Variants in FAT4 observed in about 807,000 individuals in gnomAD.
FAT4 encodes protocadherin Fat 4.
A neutral mutation model predicts 303.9 loss-of-function variants in FAT4; 84 were observed. That is an observed-to-expected ratio of 0.28 (90% CI 0.23 to 0.33). FAT4 has a LOEUF of 0.33. FAT4 is among the 10% of genes least tolerant of loss of function. The probability of loss-of-function intolerance (pLI) is 1.00; values close to 1 mark genes in which losing one functional copy is unlikely to be tolerated. For missense variants in FAT4, 6,005 were observed against 6,146.8 expected, an observed-to-expected ratio of 0.98 and a Z score of 0.77; for synonymous variants, 2,307 against 2,298.8, an observed-to-expected ratio of 1.00 and a Z score of -0.10.
At chr4:125,322,365 G>A (rs982285437) in intron 2 of FAT4, among the ~76,000 whole-genome samples, 2 of 152,194 alleles carry the variant, frequency 1.3e-5, no homozygotes, top group African/African-American at 4.8e-5. Context: ...TAAGCCAAAA[G>A]AATTCCAAGC....
intron 10 of FAT4, among the ~76,000 whole-genome samples, chr4:125,453,411 A>G (rs1265167219): frequency 6.6e-6 from 1 of 152,174 alleles, no homozygotes; most frequent in East Asian, 1.9e-4. Flanking sequence ...ATTTAGATTA[A>G]AATGATGTGT....
chr4:125,458,836 T>G (rs1275869890), intron 10 of FAT4, among the ~76,000 whole-genome samples: 4 of 151,996 alleles, frequency 2.6e-5, no homozygotes, highest in Non-Finnish European at 5.9e-5. Context: ...AAACATGGTA[T>G]TTTTGCTTTT....
At chr4:125,422,142 A>T (rs2126033627) in intron 7 of FAT4, among the ~76,000 whole-genome samples, 1 of 152,330 alleles carries the variant, frequency 6.6e-6, no homozygotes, top group Middle Eastern at 3.4e-3. Flanking sequence ...TTTTGAAAAT[A>T]AGCTTAAATT....
chr4:125,490,687 T>C lies in FAT4; in HGVS notation c.13871T>C (p.Ile4624Thr). ...SPEQEIEHYD[I>T]DNASSIAPSD... ...GAGCAGGAGATAGAGCACTATGACATTGACAACGCCAGCAGCATCGCCCCT... is the reference window on the plus strand; with the variant it reads ...GAGCAGGAGATAGAGCACTATGACACTGACAACGCCAGCAGCATCGCCCCT... The change falls in exon 18 of 18, where the codon ATT becomes ACT. Residue 4624 changes from isoleucine (I) to threonine (T), a missense_variant. By Grantham distance (89) the Ile-to-Thr change is moderately conservative (BLOSUM62 -1). Transcript: ENST00000394329. 1 of 1,614,134 alleles carries C rather than the reference T, an allele frequency of 6.2e-7. No individual in the cohort carries two copies.
intron 7 of FAT4, among the ~76,000 whole-genome samples, chr4:125,423,811 A>G (rs1363147090): frequency 6.6e-6 from 1 of 152,188 alleles, no homozygotes; most frequent in African/African-American, 2.4e-5. Flanking sequence ...TTGCATCAGC[A>G]TGCCCTGGAT....
At chr4:125,489,618 T>G (rs1174491457) in intron 17 of FAT4, among the ~76,000 whole-genome samples, 1 of 151,968 alleles carries the variant, frequency 6.6e-6, no homozygotes, top group South Asian at 2.1e-4. Context: ...AAAAAGAAAA[T>G]TCAGCCTGCC....
chr4:125,452,577 A>G lies in FAT4; in HGVS notation c.11567A>G (p.Tyr3856Cys). The change falls in exon 10 of 18, where the codon TAT becomes TGT. Residue 3856 changes from tyrosine to cysteine, a missense_variant. Coordinates refer to ENST00000394329, the MANE Select transcript of FAT4 (RefSeq NM_001291303.3). ...QPFLCKCLPG[Y>C]AGSWCEIDID... ...TTCTTATGCAAGTGTCTGCCAGGAT[A>G]TGCGGGTAGCTGGTGTGAAATAGAT... 6.2e-7 allele frequency: 1 copy of G among 1,614,182 alleles called. No homozygotes were observed. Among genetic ancestry groups the G allele is most frequent in the Non-Finnish European group, 8.5e-7 (1 of 1,180,038 alleles).
chr4:125,416,225 C>T (rs1463363921), intron 6 of FAT4, among the ~76,000 whole-genome samples: 1 of 152,144 alleles, frequency 6.6e-6, no homozygotes, highest in African/African-American at 2.4e-5. Context: ...TTTTATGAAG[C>T]CTTCCAAAAA....
Position 125,476,262 on chromosome 4 carries a change from G to C in FAT4, c.12299+6G>C, listed in dbSNP as rs541775780. On this transcript the variant is annotated splice_donor_region_variant and intron_variant, in intron 13 of 17. Transcript: ENST00000394329. Reference sequence around the variant, plus strand: ...GTGGCAGTTTCAGATGACTGGTAAGGAATAGGATTAGTTTAATTTTTATTA... The same window carrying C: ...GTGGCAGTTTCAGATGACTGGTAAGCAATAGGATTAGTTTAATTTTTATTA... 52 of 1,512,296 alleles carry C rather than the reference G, an allele frequency of 3.4e-5. 1 individual carries two copies. In the South Asian group the frequency reaches 6.3e-4, roughly 18 times the overall value. 93.7% of individuals were successfully genotyped at this position (1,512,296 alleles called of 1,614,324 possible). A position where few individuals can be genotyped will look rare whatever the true frequency, so the allele number is the denominator to read the frequency against.
chr4:125,323,330 A>G (rs1009373971), intron 2 of FAT4, among the ~76,000 whole-genome samples: 3 of 152,206 alleles, frequency 2.0e-5, no homozygotes, highest in African/African-American at 7.2e-5. Flanking sequence ...GCATGAAAGT[A>G]TTAAATAGTG....
intron 8 of FAT4, among the ~76,000 whole-genome samples, chr4:125,439,726 G>T (rs1241635488): frequency 6.6e-6 from 1 of 152,020 alleles, no homozygotes; most frequent in African/African-American, 2.4e-5. Context: ...TTTTTCTTGT[G>T]TTTCTTCAAG....
At chr4:125,394,129 G>T in intron 2 of FAT4, 2 of 560,776 alleles carry the variant, frequency 3.6e-6, no homozygotes, top group South Asian at 2.4e-5. Flanking sequence ...CAGAAAACAT[G>T]GAAGTGCCTT....
intron 2 of FAT4, among the ~76,000 whole-genome samples, chr4:125,385,932 G>A (rs1733734051): frequency 6.6e-6 from 1 of 152,050 alleles, no homozygotes; most frequent in African/African-American, 2.4e-5. Context: ...AGCCTTTTAT[G>A]CTGAAACATC....
chr4:125,440,121 T>C (rs1362860467), intron 8 of FAT4, among the ~76,000 whole-genome samples: 1 of 152,198 alleles, frequency 6.6e-6, no homozygotes, highest in African/African-American at 2.4e-5. Flanking sequence ...ATTCTTTCTT[T>C]TACAATATCT....
chr4:125,396,101 G>GT (rs1263526877), intron 2 of FAT4, among the ~76,000 whole-genome samples: 4 of 151,970 alleles, frequency 2.6e-5, no homozygotes, highest in East Asian at 1.9e-4. Flanking sequence ...GATTCATTAT[G>GT]TTTTTTTAAC....
intron 2 of FAT4, among the ~76,000 whole-genome samples, chr4:125,391,898 TAA>T (rs1274523492): frequency 6.6e-6 from 1 of 152,068 alleles, no homozygotes; most frequent in East Asian, 1.9e-4. Context: ...GGGACTTTAA[TAA>T]AAATGTAAAA....
intron 4 of FAT4, 46 bp from the exon 5 acceptor site, chr4:125,408,398 C>T: frequency 5.5e-6 from 7 of 1,279,424 alleles, no homozygotes; most frequent in Non-Finnish European, 7.6e-6. Context: ...CTTAGTAATA[C>T]TTCTTACTTC....
At position 125,450,957 on chromosome 4, in the gene FAT4, G is replaced by A; in HGVS notation, c.9947G>A (p.Gly3316Asp). The change falls in exon 10 of 18, where the codon GGT becomes GAT. Residue 3316 changes from glycine (G) to aspartate (D), a missense_variant. Transcript: ENST00000394329. ...YFEISEAAPK[G>D]TIVGEVFASD... The stretch of plus-strand genomic sequence containing the variant: ...GAAATCTCAGAAGCAGCTCCTAAAG[G>A]TACTATTGTTGGAGAAGTGTTTGCT... The A allele has an allele frequency of 6.2e-7, 1 of 1,614,106 alleles. No homozygotes were observed. Among genetic ancestry groups the A allele is most frequent in the Non-Finnish European group, 8.5e-7 (1 of 1,180,010 alleles).
intron 2 of FAT4, among the ~76,000 whole-genome samples, chr4:125,333,129 A>G (rs1159562664): frequency 2.0e-5 from 3 of 152,102 alleles, no homozygotes; most frequent in African/African-American, 2.4e-5. Context: ...CCTGAAATAT[A>G]TAAGATTAGC....
Sources: allele counts gnomAD v4.1 joint callset (sites outside exome capture counted in the v4.1 genomes callset), GRCh38; gene constraint gnomAD v4.1.1; transcripts MANE v1.5; gene names NCBI Gene and HGNC (gene_info 2026-07-23, HGNC 2026-07-21).